WASF2: variants seen among roughly 807,000 people sequenced by gnomAD.
The protein encoded by WASF2 is WASP family member 2.
A neutral mutation model predicts 45.0 loss-of-function variants in WASF2; 14 were observed. The observed-to-expected ratio is 0.31, with a 90% confidence interval of 0.21 to 0.49. WASF2 has a LOEUF of 0.49. Ranked by LOEUF, WASF2 falls within the 20% of genes least tolerant of loss-of-function variation. The pLI is 0.99. For synonymous variants in WASF2, 200 were observed against 236.3 expected (o/e 0.85, Z 1.41); for missense variants, 439 against 636.1 (o/e 0.69, Z 3.33).
chr1:27,415,282 T>C (rs910545825), intron 5 of WASF2, among the ~76,000 whole-genome samples: 1 of 152,238 alleles, frequency 6.6e-6, no homozygotes, highest in African/African-American at 2.4e-5. Flanking sequence ...TATTATTTGC[T>C]CAGCCCCAAA....
intron 1 of WASF2, among the ~76,000 whole-genome samples, chr1:27,456,119 G>T (rs1236449238): frequency 2.0e-5 from 3 of 151,956 alleles, no homozygotes; most frequent in African/African-American, 4.8e-5. Flanking sequence ...TCAGAAGATC[G>T]AGACCATCCT....
intron 1 of WASF2, among the ~76,000 whole-genome samples, chr1:27,472,061 G>A (rs1571161189): frequency 1.3e-5 from 2 of 152,130 alleles, no homozygotes; most frequent in South Asian, 2.1e-4. Context: ...GGCCAGGCGC[G>A]GTGGCTTATG....
In WASF2 at chr1:27,404,699, T is replaced by C. The variant is rs2016638873; in HGVS notation, c.*3490A>G. The C allele has an allele frequency of 6.6e-6, 1 of 152,238 alleles. No homozygotes were observed. The highest frequency in any genetic ancestry group is 2.4e-5 in the African/African-American group (1 of 41,460). The allele number at this position is 152,238 out of a possible 1,614,324, so 9.4% of individuals were successfully genotyped here. A position where few individuals can be genotyped will look rare whatever the true frequency, so the allele number is the denominator to read the frequency against. ...GGCTTACTCTACTACATGTACATCA[T>C]TCTAGACAGAAAGTAAAAACTGGTT... On this transcript the variant is annotated 3_prime_UTR_variant, in exon 9 of 9. Coordinates refer to ENST00000618852, the MANE Select transcript of WASF2 (RefSeq NM_006990.5).
chr1:27,485,172 A>G (rs911218526), intron 1 of WASF2, among the ~76,000 whole-genome samples: 16 of 152,272 alleles, frequency 1.1e-4, no homozygotes, highest in African/African-American at 3.8e-4. Flanking sequence ...ATTGGCAAAC[A>G]TGAATCTACA....
At chr1:27,488,802 C>G (rs1355649726) in intron 1 of WASF2, among the ~76,000 whole-genome samples, 1 of 152,166 alleles carries the variant, frequency 6.6e-6, no homozygotes, top group Non-Finnish European at 1.5e-5. Flanking sequence ...GTGACTTCCC[C>G]CTTGCCCAGT....
chr1:27,472,798 CAA>C (rs200312302), intron 1 of WASF2, among the ~76,000 whole-genome samples: 64 of 125,476 alleles, frequency 5.1e-4, no homozygotes, highest in East Asian at 4.3e-4. Context: ...CCATCTTTAC[CAA>C]AAAAAAAAAA....
At chr1:27,415,869 G>T in intron 5 of WASF2, 116 bp downstream of exon 5, 1 of 810,778 alleles carries the variant, frequency 1.2e-6, no homozygotes. Context: ...AGTTTCACCT[G>T]GCATCCAAGC....
chr1:27,463,209 G>A (rs1005567095), intron 1 of WASF2, among the ~76,000 whole-genome samples: 1 of 152,220 alleles, frequency 6.6e-6, no homozygotes, highest in Admixed American at 6.5e-5. Context: ...CTTTTTGAAG[G>A]TATTTTAATG....
chr1:27,465,680 G>A (rs900535061), intron 1 of WASF2, among the ~76,000 whole-genome samples: 3 of 152,160 alleles, frequency 2.0e-5, no homozygotes, highest in Admixed American at 1.3e-4. Context: ...GGAAGGCTAC[G>A]GTTCTAGGGC....
intron 1 of WASF2, among the ~76,000 whole-genome samples, chr1:27,470,766 T>C (rs2017677415): frequency 6.6e-6 from 1 of 152,170 alleles, no homozygotes; most frequent in Non-Finnish European, 1.5e-5. Context: ...AGGAGTGCTA[T>C]GCATTTTCTT....
intron 1 of WASF2, among the ~76,000 whole-genome samples, chr1:27,445,761 T>C (rs1330000069): frequency 1.1e-4 from 17 of 152,124 alleles, no homozygotes; most frequent in Admixed American, 1.1e-3. Flanking sequence ...TTCTGACGGG[T>C]TACTTTTATC....
intron 1 of WASF2, among the ~76,000 whole-genome samples, chr1:27,454,354 C>T (rs1297232209): frequency 6.7e-6 from 1 of 149,908 alleles, no homozygotes; most frequent in Non-Finnish European, 1.5e-5. Context: ...CCATGCCCAA[C>T]TAATTTTTTT....
chr1:27,476,034 T>C (rs886252116), intron 1 of WASF2, among the ~76,000 whole-genome samples: 8 of 152,224 alleles, frequency 5.3e-5, no homozygotes, highest in Admixed American at 1.3e-4. Context: ...GTATCCTTAG[T>C]AGTACGTGAC....
intron 1 of WASF2, among the ~76,000 whole-genome samples, chr1:27,434,631 G>C (rs1432838131): frequency 6.6e-6 from 1 of 152,048 alleles, no homozygotes; most frequent in East Asian, 1.9e-4. Flanking sequence ...ATACCCAAGG[G>C]GCTCCTGGAC....
intron 1 of WASF2, among the ~76,000 whole-genome samples, chr1:27,472,663 AAAAAAAAAAAAG>A (rs1158781165): frequency 6.8e-6 from 1 of 146,224 alleles, no homozygotes; most frequent in Non-Finnish European, 1.5e-5. Flanking sequence ...AAAAAAAAAA[AAAAAAAAAAAAG>A]GGGAAATCAG....
chr1:27,475,168 G>A lies in WASF2; in HGVS notation c.-44+14818C>T, dbSNP rs779241605. Among the ~76,000 whole-genome samples the A allele has an allele frequency of 5.9e-5, 9 of 151,736 alleles. 1 individual carries two copies. Among genetic ancestry groups the A allele is most frequent in the African/African-American group, 9.7e-5 (4 of 41,296 alleles). ...GTTATGTAACTGTAGTCCCAGTTAC[G>A]CAGGAGGCTGAGGCAGGAGTTCAAA... On this transcript the variant is annotated intron_variant, in intron 1 of 8. Coordinates refer to ENST00000618852, the MANE Select transcript of WASF2 (RefSeq NM_006990.5).
At position 27,406,995 on chromosome 1, in the gene WASF2, A is replaced by C. The variant is rs1242457211; in HGVS notation, c.*1194T>G. Reference sequence around the variant, plus strand: ...TCTCACTACTTCTGGTCCCCCAGAGAGGCTGGTCCCAAGGCTATGTGGTTG... The same window carrying C: ...TCTCACTACTTCTGGTCCCCCAGAGCGGCTGGTCCCAAGGCTATGTGGTTG... On this transcript the variant is annotated 3_prime_UTR_variant, in exon 9 of 9. Coordinates refer to ENST00000618852, the MANE Select transcript of WASF2 (RefSeq NM_006990.5). 6.6e-6 allele frequency: 1 copy of C among 152,312 alleles called. No homozygotes were observed. The highest frequency in any genetic ancestry group is 2.4e-5 in the African/African-American group (1 of 41,472). 9.4% of individuals were successfully genotyped at this position (152,312 alleles called of 1,614,324 possible).
intron 1 of WASF2, among the ~76,000 whole-genome samples, chr1:27,447,657 C>G (rs577295644): frequency 3.3e-5 from 5 of 152,284 alleles, no homozygotes; most frequent in African/African-American, 1.2e-4. Flanking sequence ...GGATTCCGAA[C>G]AGTCACGAAA....
chr1:27,426,552 C>A (rs2016983828), intron 2 of WASF2, among the ~76,000 whole-genome samples: 1 of 151,670 alleles, frequency 6.6e-6, no homozygotes, highest in African/African-American at 2.4e-5. Flanking sequence ...GCTCTGTCGC[C>A]CATGCTGGAG....
Sources: gnomAD v4.1 joint callset for allele counts (sites outside exome capture counted in the v4.1 genomes callset) on GRCh38, gnomAD v4.1.1 for gene constraint, MANE v1.5 for transcripts, NCBI Gene and HGNC (gene_info 2026-07-23, HGNC 2026-07-21) for gene names.